The following ZPBP variants were observed in gnomAD, a reference collection of about 807,000 sequenced individuals.
ZPBP encodes zona pellucida-binding protein 1.
ZPBP carries 26 observed loss-of-function variants against 44.8 expected under a neutral mutation model. That is an observed-to-expected ratio of 0.58 (90% CI 0.43 to 0.81). The LOEUF is 0.81. Among genes scored for constraint, ZPBP ranks in the 30% least tolerant of loss-of-function variants. The pLI, the probability that ZPBP is intolerant of heterozygous loss-of-function variation, is 0.00. For synonymous variants in ZPBP, 174 were observed against 153.2 expected, an observed-to-expected ratio of 1.14 and a Z score of -1.00; for missense variants, 409 against 434.0, an observed-to-expected ratio of 0.94 and a Z score of 0.51.
intron 2 of ZPBP, among the ~76,000 whole-genome samples, chr7:49,875,387 A>C (rs1376203975): frequency 1.3e-5 from 2 of 149,840 alleles, no homozygotes; most frequent in Admixed American, 6.7e-5. Context: ...AAAAAAAAAA[A>C]AAAAAAAAAA....
chr7:49,861,721 G>C (rs559659673), intron 2 of ZPBP, among the ~76,000 whole-genome samples: 3 of 152,174 alleles, frequency 2.0e-5, no homozygotes, highest in Admixed American at 2.0e-4. Context: ...TGGCTTTCTA[G>C]TTGTCCCAGC....
At chr7:49,998,253 C>T (rs1366774600) in intron 6 of ZPBP, among the ~76,000 whole-genome samples, 1 of 152,186 alleles carries the variant, frequency 6.6e-6, no homozygotes. Flanking sequence ...CCTTGTGAAG[C>T]TGAGAGTTCA....
intron 2 of ZPBP, among the ~76,000 whole-genome samples, chr7:49,873,176 G>T (rs2128724041): frequency 6.6e-6 from 1 of 152,238 alleles, no homozygotes; most frequent in South Asian, 2.1e-4. Context: ...GTCTTGGTCT[G>T]TTCGGGCTGC....
chr7:49,901,731 A>G (rs541120156), intron 1 of ZPBP, among the ~76,000 whole-genome samples: 139 of 152,020 alleles, frequency 9.1e-4, no homozygotes, highest in African/African-American at 3.2e-3. Flanking sequence ...AGAATAGCCA[A>G]CACGATATTG....
rs970102878 is a variant in ZPBP at position 49,976,231 on chromosome 7, A to C, written c.961+7111T>G. Among the ~76,000 whole-genome samples the C allele has an allele frequency of 7.9e-5, 12 of 152,132 alleles. 1 individual carries two copies. The highest frequency in any genetic ancestry group is 6.5e-4 in the Admixed American group (10 of 15,280). On this transcript the variant is annotated intron_variant, in intron 7 of 7. Coordinates refer to ENST00000046087, the MANE Select transcript of ZPBP (RefSeq NM_007009.3). ...TCAATATTTATTTACATTTATCTCT[A>C]TGTTTTTCTTTTCCATTGCCCCTTA... is the stretch of plus-strand genomic sequence containing the variant.
downstream of ZPBP, among the ~76,000 whole-genome samples, chr7:49,934,964 A>C (rs546404873): frequency 1.2e-4 from 19 of 152,304 alleles, 1 homozygote; most frequent in South Asian, 3.9e-3. Flanking sequence ...AGCATTATAT[A>C]AAAGGTATTA....
At chr7:49,958,121 T>A (rs1452497949) in intron 7 of ZPBP, among the ~76,000 whole-genome samples, 2 of 152,202 alleles carry the variant, frequency 1.3e-5, no homozygotes. Context: ...TGTTCCACCA[T>A]AATATTTTGA....
chr7:50,007,289 A>T (rs577400819), intron 6 of ZPBP, among the ~76,000 whole-genome samples: 1 of 152,174 alleles, frequency 6.6e-6, no homozygotes, highest in South Asian at 2.1e-4. Context: ...GATAACCTAG[A>T]TAAAATGGAC....
At position 49,946,493 on chromosome 7, in the gene ZPBP, T is replaced by C. The variant is rs1119794; in HGVS notation, c.962-8871A>G. On this transcript the variant is annotated intron_variant, in intron 7 of 7. Coordinates refer to ENST00000046087, the MANE Select transcript of ZPBP (RefSeq NM_007009.3). The stretch of plus-strand genomic sequence containing the variant: ...TCTAGGATACAAATTTTTTCTTTTT[T>C]TTCCTTCAGCAATTTAAATATGTCA... 2.3e-3 allele frequency among the ~76,000 whole-genome samples: 345 copies of C among 152,278 alleles called. 3 individuals are homozygous for C. The highest frequency in any genetic ancestry group is 7.9e-3 in the African/African-American group (330 of 41,584).
intron 6 of ZPBP, among the ~76,000 whole-genome samples, chr7:50,013,685 T>G (rs1434688251): frequency 6.6e-6 from 1 of 152,100 alleles, no homozygotes; most frequent in African/African-American, 2.4e-5. Context: ...TTAGTCATCT[T>G]TCTTAAGAGT....
chr7:49,845,343 T>C, the ZPBP span, among the ~76,000 whole-genome samples: 1 of 152,172 alleles, frequency 6.6e-6, no homozygotes, highest in Admixed American at 6.5e-5. Flanking sequence ...TAGGACTCTA[T>C]CCATCTGTTA....
intron 7 of ZPBP, among the ~76,000 whole-genome samples, chr7:49,952,802 A>G (rs922189317): frequency 6.6e-6 from 1 of 152,042 alleles, no homozygotes; most frequent in Non-Finnish European, 1.5e-5. Context: ...CTCCTGTAAC[A>G]TGCAATCTGT....
intron 2 of ZPBP, among the ~76,000 whole-genome samples, chr7:49,871,897 G>A (rs1421224382): frequency 1.4e-4 from 16 of 117,554 alleles, no homozygotes; most frequent in South Asian, 3.5e-4. Context: ...GTATGTATAT[G>A]TGTGTATATA....
chr7:49,977,101 C>CTAAATAAATAAATAAA (rs376730870), intron 7 of ZPBP, among the ~76,000 whole-genome samples: 42,924 of 138,136 alleles, frequency 0.31, 7,099 homozygotes, highest in East Asian at 0.42. Flanking sequence ...GACTCCGTCT[C>CTAAATAAATAAATAAA]TAAATAAATA....
intron 5 of ZPBP, among the ~76,000 whole-genome samples, chr7:50,023,435 A>G (rs1445854240): frequency 6.6e-6 from 1 of 151,946 alleles, no homozygotes; most frequent in Non-Finnish European, 1.5e-5. Flanking sequence ...AGGAAAGACA[A>G]TAACAAGACG....
intron 7 of ZPBP, among the ~76,000 whole-genome samples, chr7:49,980,973 G>C (rs970360431): frequency 2.7e-5 from 4 of 150,778 alleles, no homozygotes; most frequent in Non-Finnish European, 5.9e-5. Context: ...TCTTTGATTT[G>C]GCTAGAGTTA....
chr7:49,896,492 C>CAAA (rs1469827724), intron 2 of ZPBP, among the ~76,000 whole-genome samples: 2 of 151,614 alleles, frequency 1.3e-5, no homozygotes, highest in African/African-American at 4.8e-5. Flanking sequence ...CTTGAAAAAG[C>CAAA]AAAGCAAAAT....
intron 6 of ZPBP, among the ~76,000 whole-genome samples, chr7:49,986,158 T>C (rs750724883): frequency 6.6e-6 from 1 of 152,154 alleles, no homozygotes; most frequent in East Asian, 1.9e-4. Flanking sequence ...AAAATGCAGA[T>C]CAAAGCATCT....
At chr7:50,023,269 A>T (rs896134237) in intron 5 of ZPBP, among the ~76,000 whole-genome samples, 2 of 152,016 alleles carry the variant, frequency 1.3e-5, no homozygotes, top group African/African-American at 4.8e-5. Flanking sequence ...TCTCTGAAAA[A>T]ACTGAGAGCA....
Sources: gnomAD v4.1 joint callset for allele counts (sites outside exome capture counted in the v4.1 genomes callset) on GRCh38, gnomAD v4.1.1 for gene constraint, MANE v1.5 for transcripts, NCBI Gene and HGNC (gene_info 2026-07-23, HGNC 2026-07-21) for gene names.